Variants in HS3ST2 observed in about 807,000 individuals in gnomAD.
HS3ST2 encodes heparan sulfate glucosamine 3-O-sulfotransferase 2.
Under a neutral mutation model 26.3 loss-of-function variants are expected in HS3ST2, and 17 were observed. The observed-to-expected ratio is 0.65, with a 90% confidence interval of 0.44 to 0.97. The LOEUF (loss-of-function observed/expected upper bound fraction) is 0.97, where lower values mean the gene tolerates loss of function less well. Among genes scored for constraint, HS3ST2 ranks in the 50% least tolerant of loss-of-function variants. The pLI is 0.00. For missense variants in HS3ST2, 402 were observed against 501.2 expected (o/e 0.80, Z 1.89); for synonymous variants, 237 against 219.2 (o/e 1.08, Z -0.72).
At chr16:22,831,122 T>C (rs1310143506) in intron 1 of HS3ST2, among the ~76,000 whole-genome samples, 2 of 152,220 alleles carry the variant, frequency 1.3e-5, no homozygotes, top group African/African-American at 4.8e-5. Context: ...GAAGACTTTC[T>C]CCATGATGGA....
intron 1 of HS3ST2, among the ~76,000 whole-genome samples, chr16:22,824,522 G>A (rs1302349710): frequency 6.6e-6 from 1 of 152,102 alleles, no homozygotes; most frequent in Non-Finnish European, 1.5e-5. Context: ...ACTCCAGCCT[G>A]GGTGACAGGG....
rs200710888 is a variant in HS3ST2, at chr16:22,915,602, A to T, written c.*40A>T. ...AGGGCTCTCAAGGGCTCTTCTGCTC[A>T]TCTCTTCCGTGAGATTTGCTCCCAG... On this transcript the variant is annotated 3_prime_UTR_variant, in exon 2 of 2. Coordinates refer to ENST00000261374, the MANE Select transcript of HS3ST2 (RefSeq NM_006043.2). 3 of 1,575,620 alleles carry T rather than the reference A, an allele frequency of 1.9e-6. No homozygotes were observed. The highest frequency in any genetic ancestry group is 1.7e-6 in the Non-Finnish European group (2 of 1,162,442).
chr16:22,818,244 G>A (rs1416810420), intron 1 of HS3ST2, among the ~76,000 whole-genome samples: 1 of 152,196 alleles, frequency 6.6e-6, no homozygotes, highest in East Asian at 1.9e-4. Context: ...AGGGAACCAG[G>A]ACAGGGAACC....
At chr16:22,889,050 A>C (rs1056877393) in intron 1 of HS3ST2, among the ~76,000 whole-genome samples, 1 of 152,262 alleles carries the variant, frequency 6.6e-6, no homozygotes, top group Non-Finnish European at 1.5e-5. Flanking sequence ...GAACTGGTTG[A>C]TGAAACTGTA....
chr16:22,817,643 T>C (rs2141172516), intron 1 of HS3ST2, among the ~76,000 whole-genome samples: 1 of 152,350 alleles, frequency 6.6e-6, no homozygotes, highest in Non-Finnish European at 1.5e-5. Flanking sequence ...TTCCGCTCTC[T>C]GTCCACTGCC....
chr16:22,837,555 G>A (rs1567483727), intron 1 of HS3ST2, among the ~76,000 whole-genome samples: 2 of 134,440 alleles, frequency 1.5e-5, no homozygotes, highest in South Asian at 2.3e-4. Flanking sequence ...GTATATATAT[G>A]TATATATATA....
intron 1 of HS3ST2, among the ~76,000 whole-genome samples, chr16:22,846,662 A>C (rs982028800): frequency 6.6e-6 from 1 of 152,216 alleles, no homozygotes; most frequent in Non-Finnish European, 1.5e-5. Context: ...TCGAGGAACT[A>C]CCATGTACTG....
At chr16:22,900,609 G>C (rs1402377909) in intron 1 of HS3ST2, among the ~76,000 whole-genome samples, 2 of 152,084 alleles carry the variant, frequency 1.3e-5, no homozygotes, top group African/African-American at 2.4e-5. Flanking sequence ...ACTGAGACAT[G>C]AGAAGTGGTA....
At chr16:22,892,843 T>C (rs1209717838) in intron 1 of HS3ST2, among the ~76,000 whole-genome samples, 1 of 152,206 alleles carries the variant, frequency 6.6e-6, no homozygotes, top group African/African-American at 2.4e-5. Flanking sequence ...CGTTGGCTCT[T>C]TTCATTAATA....
chr16:22,858,555 TTTTGTTTG>T (rs59520466), intron 1 of HS3ST2, among the ~76,000 whole-genome samples: 44 of 150,802 alleles, frequency 2.9e-4, no homozygotes, highest in South Asian at 6.4e-4. Flanking sequence ...GGAATCCTTT[TTTTGTTTG>T]TTTGTTTGTT....
intron 1 of HS3ST2, among the ~76,000 whole-genome samples, chr16:22,911,725 C>T (rs1163353671): frequency 2.0e-5 from 3 of 152,158 alleles, no homozygotes; most frequent in African/African-American, 7.2e-5. Flanking sequence ...CAAGGACACT[C>T]GTCATTGGGT....
chr16:22,873,064 G>C (rs1211475285), intron 1 of HS3ST2, among the ~76,000 whole-genome samples: 1 of 152,142 alleles, frequency 6.6e-6, no homozygotes, highest in Non-Finnish European at 1.5e-5. Context: ...CTACTGTATT[G>C]GGCTAGAGTT....
At chr16:22,818,155 T>G (rs1900902734) in intron 1 of HS3ST2, among the ~76,000 whole-genome samples, 1 of 152,168 alleles carries the variant, frequency 6.6e-6, no homozygotes, top group African/African-American at 2.4e-5. Flanking sequence ...CCCACCCACA[T>G]TTCCTCCCCG....
intron 1 of HS3ST2, among the ~76,000 whole-genome samples, chr16:22,817,527 A>G (rs1302277942): frequency 6.6e-6 from 1 of 152,232 alleles, no homozygotes; most frequent in African/African-American, 2.4e-5. Context: ...TGACCAAGTC[A>G]TACACATTAA....
chr16:22,868,405 CAAAAAA>C (rs77630354), intron 1 of HS3ST2, among the ~76,000 whole-genome samples: 8 of 43,512 alleles, frequency 1.8e-4, no homozygotes, highest in East Asian at 6.8e-4. Context: ...AAGACTCCAT[CAAAAAA>C]AAAAAAAAAA....
intron 1 of HS3ST2, among the ~76,000 whole-genome samples, chr16:22,820,993 A>G (rs1048380630): frequency 9.2e-5 from 14 of 152,194 alleles, no homozygotes; most frequent in African/African-American, 3.4e-4. Flanking sequence ...TGGCTTCCCC[A>G]GCCTAACCTG....
At chr16:22,851,407 G>C (rs945987074) in intron 1 of HS3ST2, among the ~76,000 whole-genome samples, 1 of 152,154 alleles carries the variant, frequency 6.6e-6, no homozygotes, top group South Asian at 2.1e-4. Flanking sequence ...GAGTCAAGGG[G>C]CTTGCTCAAA....
intron 1 of HS3ST2, among the ~76,000 whole-genome samples, chr16:22,896,416 A>G (rs1902211636): frequency 6.6e-6 from 1 of 152,192 alleles, no homozygotes; most frequent in Non-Finnish European, 1.5e-5. Flanking sequence ...CCACATAGCC[A>G]TCTTATATCT....
intron 1 of HS3ST2, among the ~76,000 whole-genome samples, chr16:22,875,808 C>T (rs1443788080): frequency 6.6e-6 from 1 of 152,152 alleles, no homozygotes; most frequent in Non-Finnish European, 1.5e-5. Flanking sequence ...TAGTAAGTGC[C>T]CTTATAGGTA....
Sources: allele counts gnomAD v4.1 joint callset (sites outside exome capture counted in the v4.1 genomes callset), GRCh38; gene constraint gnomAD v4.1.1; transcripts MANE v1.5; gene names NCBI Gene and HGNC (gene_info 2026-07-23, HGNC 2026-07-21).